Variants in HMGB3 observed in about 807,000 individuals in gnomAD.
HMGB3 encodes high mobility group protein B3.
A neutral mutation model predicts 12.9 loss-of-function variants in HMGB3; 1 was observed. That is an observed-to-expected ratio of 0.08 (90% CI 0.03 to 0.37). The LOEUF (loss-of-function observed/expected upper bound fraction) is 0.37, where lower values mean the gene tolerates loss of function less well. Among genes scored for constraint, HMGB3 ranks in the 10% least tolerant of loss-of-function variants. The probability of loss-of-function intolerance (pLI) is 0.99; values close to 1 mark genes in which losing one functional copy is unlikely to be tolerated. For missense variants in HMGB3, 74 were observed against 153.3 expected (o/e 0.48, Z 2.73); for synonymous variants, 61 against 53.9 (o/e 1.13, Z -0.57).
upstream of HMGB3, chrX:150,980,577 C>T (rs781813348): frequency 2.4e-5 from 18 of 739,152 alleles, no homozygotes; most frequent in Non-Finnish European, 2.7e-5. Flanking sequence ...GAGCAGAGAT[C>T]GAAATATTTC....
chrX:150,986,263 T>A, intron 3 of HMGB3, 73 bp downstream of exon 3: 1 of 834,165 alleles, frequency 1.2e-6, no homozygotes, highest in Admixed American at 3.9e-5. Context: ...TTTTTGGTCG[T>A]CCTGTATTTC....
upstream of HMGB3, among the ~76,000 whole-genome samples, chrX:150,981,867 G>A (rs781884492): frequency 9.0e-6 from 1 of 111,550 alleles, no homozygotes; most frequent in Non-Finnish European, 1.9e-5. Flanking sequence ...AAGAGGGGGC[G>A]TAGGGGTGAA....
upstream of HMGB3, chrX:150,983,289 C>A (rs1463153212): frequency 3.6e-5 from 27 of 753,802 alleles, no homozygotes; most frequent in Non-Finnish European, 4.1e-5. Flanking sequence ...GCCAATCAGG[C>A]GGCTCTCGTG....
At chrX:150,980,771 C>T (rs1032441949), upstream of HMGB3, 4 of 164,309 alleles carry the variant, frequency 2.4e-5, no homozygotes, top group Non-Finnish European at 2.0e-5. Flanking sequence ...CTGGTTTGCC[C>T]TTGAAGCTGC....
rs1005348276 is a variant in HMGB3, at chrX:150,988,782, A to G, written c.*868A>G. On this transcript the variant is annotated 3_prime_UTR_variant, in exon 5 of 5. Coordinates refer to ENST00000325307, the MANE Select transcript of HMGB3 (RefSeq NM_005342.4). ...TACATTTTTAAAACTCTTCTCTATT[A>G]TAACAGTCAATTTCTGACTCACAGC... 1 of 112,303 alleles carries G rather than the reference A, an allele frequency of 8.9e-6. No homozygotes were observed. Among genetic ancestry groups the G allele is most frequent in the Non-Finnish European group, 1.9e-5 (1 of 53,251 alleles). The allele number at this position is 112,303 out of a possible 1,213,427, so 9.3% of individuals were successfully genotyped here.
chrX:150,986,175 C>T lies in HMGB3; in HGVS notation c.275C>T (p.Ala92Val). 1 of 1,193,596 alleles carries T rather than the reference C, an allele frequency of 8.4e-7. No individual in the cohort carries two copies. Among genetic ancestry groups the T allele is most frequent in the South Asian group, 1.9e-5 (1 of 53,532 alleles). The change falls in exon 3 of 5, where the codon GCT (alanine) becomes GTT (valine). Residue 92 changes from alanine to valine, a missense_variant. Ala to Val is a moderately conservative substitution (Grantham distance 64, BLOSUM62 0). Transcript: ENST00000325307. ...KGGKKKKDPN[A>V]PKRPPSGFFL... ...GGCAAGAAGAAGAAGGATCCTAATG[C>T]TCCCAAAAGGCCACCGTAAGTGACT...
At position 150,988,416 on chromosome X, in the gene HMGB3, C is replaced by T. The variant is rs1028115594; in HGVS notation, c.*502C>T. ...TTTTGGGAGAGGCTGTAGCTCAGGGCGTGCACTGTGAGGCTGGACCTGTTG... is the reference window on the plus strand; with the variant it reads ...TTTTGGGAGAGGCTGTAGCTCAGGGTGTGCACTGTGAGGCTGGACCTGTTG... On this transcript the variant is annotated 3_prime_UTR_variant, in exon 5 of 5. Coordinates refer to ENST00000325307, the MANE Select transcript of HMGB3 (RefSeq NM_005342.4). 8 of 113,109 alleles carry T rather than the reference C, an allele frequency of 7.1e-5. No homozygotes were observed. The highest frequency in any genetic ancestry group is 3.7e-4 in the Admixed American group (4 of 10,773). The allele number at this position is 113,109 out of a possible 1,213,427, so 9.3% of individuals were successfully genotyped here. A position where few individuals can be genotyped will look rare whatever the true frequency, so the allele number is the denominator to read the frequency against.
intron 1 of HMGB3, chrX:150,983,580 G>C: frequency 1.3e-6 from 1 of 752,075 alleles, no homozygotes; most frequent in Non-Finnish European, 1.6e-6. Context: ...CGGGAAGGAA[G>C]AAGCAATTCA....
chrX:150,986,935 C>A (rs558775576), intron 3 of HMGB3, among the ~76,000 whole-genome samples, 193 bp from the exon 4 acceptor site: 6 of 112,164 alleles, frequency 5.3e-5, no homozygotes, highest in South Asian at 3.7e-4. Flanking sequence ...GCGTGAGCCG[C>A]GCACCACATA....
At chrX:150,984,309 C>T (rs1397550618) in intron 1 of HMGB3, among the ~76,000 whole-genome samples, 1 of 92,069 alleles carries the variant, frequency 1.1e-5, no homozygotes, top group African/African-American at 3.8e-5. Flanking sequence ...GGCCCCCGAG[C>T]CCCCGGGCGG....
chrX:150,985,868 C>A, intron 2 of HMGB3, 119 bp downstream of exon 2: 2 of 852,166 alleles, frequency 2.3e-6, no homozygotes, highest in Non-Finnish European at 3.3e-6. Flanking sequence ...TACTTAGAAT[C>A]ATTTTTGCTT....
chrX:150,983,327 G>T, upstream of HMGB3: 1 of 755,755 alleles, frequency 1.3e-6, no homozygotes, highest in Non-Finnish European at 1.6e-6. Context: ...GCTGGGGAGC[G>T]CTGAGCCGCG....
rs782512986 is a variant in HMGB3, at chrX:150,987,964, G to A, written c.*50G>A. On this transcript the variant is annotated 3_prime_UTR_variant, in exon 5 of 5. Transcript: ENST00000325307. Reference sequence around the variant, plus strand: ...TGAATACTTAGAGTAGGGGAGCGCCGTAATTGACACATCTCTTATTTGAGA... The same window carrying A: ...TGAATACTTAGAGTAGGGGAGCGCCATAATTGACACATCTCTTATTTGAGA... The A allele has an allele frequency of 4.5e-5, 51 of 1,142,006 alleles. No homozygotes were observed. Among genetic ancestry groups the A allele is most frequent in the Admixed American group, 7.7e-5 (3 of 39,097 alleles). 94.1% of individuals were successfully genotyped at this position (1,142,006 alleles called of 1,213,427 possible). A position where few individuals can be genotyped will look rare whatever the true frequency, so the allele number is the denominator to read the frequency against.
intron 1 of HMGB3, among the ~76,000 whole-genome samples, chrX:150,985,084 G>C (rs1422120315): frequency 9.0e-6 from 1 of 111,464 alleles, no homozygotes; most frequent in Non-Finnish European, 1.9e-5. Context: ...ATCAACAATA[G>C]TGACAATTTC....
At chrX:150,983,441 CCGCCGCCG>C (rs2048010150) in intron 1 of HMGB3, 65 bp downstream of exon 1, 1 of 687,166 alleles carries the variant, frequency 1.5e-6, no homozygotes, top group Non-Finnish European at 1.7e-6. Context: ...GCCGCCGCCG[CCGCCGCCG>C]CCGCAGCGCC....
intron 1 of HMGB3, chrX:150,984,686 CCGGGA>C: frequency 2.7e-6 from 1 of 374,940 alleles, no homozygotes; most frequent in Non-Finnish European, 3.4e-6. Context: ...CTGCTGCCGG[CCGGGA>C]CTCCCCCGCT....
In HMGB3 at chrX:150,983,344, G is replaced by A. The variant is rs1350645978; in HGVS notation, c.-38G>A. 5.3e-6 allele frequency: 4 copies of A among 755,503 alleles called. No homozygotes were observed. The highest frequency in any genetic ancestry group is 6.3e-6 in the Non-Finnish European group (4 of 639,874). The allele number at this position is 755,503 out of a possible 1,213,427, so 62.3% of individuals were successfully genotyped here. ...TGGGGAGCGCTGAGCCGCGCGTCGT[G>A]CCCTGCGCTGCCCAGACTAGCGAAC... On this transcript the variant is annotated 5_prime_UTR_variant, in exon 1 of 5. Coordinates refer to ENST00000325307, the MANE Select transcript of HMGB3 (RefSeq NM_005342.4).
intron 2 of HMGB3, 97 bp downstream of exon 2, chrX:150,985,846 C>T: frequency 1.1e-6 from 1 of 883,279 alleles, no homozygotes; most frequent in African/African-American, 2.0e-5. Flanking sequence ...TGCTTGCTTC[C>T]TCTTTTACTT....
In HMGB3 at chrX:150,988,348, C is replaced by A. The variant is rs186390571; in HGVS notation, c.*434C>A. The A allele has an allele frequency of 8.7e-6, 1 of 115,476 alleles. No individual in the cohort carries two copies. The allele number at this position is 115,476 out of a possible 1,213,427, so 9.5% of individuals were successfully genotyped here. On this transcript the variant is annotated 3_prime_UTR_variant, in exon 5 of 5. Transcript: ENST00000325307. ...AAGAACAAAACAACCGAGACAAACC[C>A]TTGATGCTCCTTGCTCGGCGTTGAG...
Sources: allele counts gnomAD v4.1 joint callset (sites outside exome capture counted in the v4.1 genomes callset), GRCh38; gene constraint gnomAD v4.1.1; transcripts MANE v1.5; gene names NCBI Gene and HGNC (gene_info 2026-07-23, HGNC 2026-07-21).